The following SPOCK3 variants were observed in gnomAD, a reference collection of about 807,000 sequenced individuals.
SPOCK3 encodes SPARC (osteonectin), cwcv and kazal like domains proteoglycan 3.
In SPOCK3, 30 loss-of-function variants were observed where a neutral mutation model predicts 56.6. The observed-to-expected ratio is 0.53, with a 90% CI of 0.40 to 0.72. The LOEUF is 0.72. Among genes scored for constraint, SPOCK3 ranks in the 30% least tolerant of loss-of-function variants. The pLI is 0.00. For synonymous variants in SPOCK3, 196 were observed against 183.3 expected (o/e 1.07, Z -0.56); for missense variants, 527 against 530.0 (o/e 0.99, Z 0.06).
intron 2 of SPOCK3, among the ~76,000 whole-genome samples, chr4:167,206,989 G>C (rs1734406466): frequency 6.6e-6 from 1 of 152,024 alleles, no homozygotes; most frequent in Non-Finnish European, 1.5e-5. Flanking sequence ...AAATGTTTGA[G>C]ATGATGGATA....
chr4:166,994,328 T>C (rs1234845551), intron 4 of SPOCK3, among the ~76,000 whole-genome samples: 2 of 152,172 alleles, frequency 1.3e-5, no homozygotes, highest in African/African-American at 2.4e-5. Flanking sequence ...ATACCTACTT[T>C]ACAGCAGAAA....
intron 2 of SPOCK3, among the ~76,000 whole-genome samples, chr4:167,129,017 C>A (rs918422867): frequency 6.6e-6 from 1 of 152,250 alleles, no homozygotes; most frequent in Middle Eastern, 3.4e-3. Context: ...GCTCTATACC[C>A]TTGATTCAGG....
intron 4 of SPOCK3, among the ~76,000 whole-genome samples, chr4:166,967,898 G>A (rs981624690): frequency 5.3e-5 from 8 of 152,184 alleles, no homozygotes; most frequent in Non-Finnish European, 1.0e-4. Flanking sequence ...TGACCAAAAT[G>A]CTGATAGTGA....
intron 6 of SPOCK3, among the ~76,000 whole-genome samples, chr4:166,844,053 A>C (rs566625438): frequency 1.3e-5 from 2 of 152,202 alleles, no homozygotes; most frequent in Non-Finnish European, 2.9e-5. Context: ...CATAAACGCA[A>C]TGTGGGCCAA....
intron 6 of SPOCK3, among the ~76,000 whole-genome samples, chr4:166,885,266 T>G (rs1734077107): frequency 6.6e-6 from 1 of 150,516 alleles, no homozygotes; most frequent in African/African-American, 2.4e-5. Context: ...TTGCCTTATT[T>G]CTAAAATAAC....
chr4:166,808,914 C>T (rs1743470994), intron 6 of SPOCK3, among the ~76,000 whole-genome samples: 1 of 151,958 alleles, frequency 6.6e-6, no homozygotes, highest in African/African-American at 2.4e-5. Context: ...ATTTTCCTCC[C>T]ACTTGAAATC....
intron 2 of SPOCK3, among the ~76,000 whole-genome samples, chr4:167,205,744 C>A (rs1734262200): frequency 6.8e-6 from 1 of 146,342 alleles, no homozygotes; most frequent in African/African-American, 2.5e-5. Context: ...TCCGGAGTAG[C>A]TGGGATTACA....
chr4:166,797,475 A>T (rs961985860), intron 6 of SPOCK3, among the ~76,000 whole-genome samples: 3 of 151,996 alleles, frequency 2.0e-5, no homozygotes, highest in South Asian at 4.1e-4. Flanking sequence ...CTTTTAGTTT[A>T]TGATATCCTT....
At chr4:166,875,107 T>C (rs1227235564) in intron 6 of SPOCK3, among the ~76,000 whole-genome samples, 1 of 152,134 alleles carries the variant, frequency 6.6e-6, no homozygotes, top group Non-Finnish European at 1.5e-5. Flanking sequence ...TTACAATATG[T>C]AAATCACTAA....
chr4:167,056,937 A>G (rs10029828), intron 3 of SPOCK3, among the ~76,000 whole-genome samples: 10,656 of 152,072 alleles, frequency 0.07, 628 homozygotes, highest in African/African-American at 0.17. Flanking sequence ...TACAGAGAAC[A>G]CCACAAAGAT....
chr4:166,913,329 A>C (rs1306697622), intron 4 of SPOCK3, among the ~76,000 whole-genome samples: 1 of 152,196 alleles, frequency 6.6e-6, no homozygotes, highest in Non-Finnish European at 1.5e-5. Context: ...TAACTGGAAA[A>C]AAATCCATTC....
intron 8 of SPOCK3, among the ~76,000 whole-genome samples, chr4:166,744,928 G>A (rs1735377913): frequency 1.3e-5 from 2 of 151,932 alleles, no homozygotes; most frequent in South Asian, 2.1e-4. Flanking sequence ...GAGAAGACAA[G>A]TTTAGAGAAA....
intron 6 of SPOCK3, among the ~76,000 whole-genome samples, chr4:166,847,647 T>TATATA (rs1748203803): frequency 1.8e-4 from 10 of 55,368 alleles, no homozygotes; most frequent in African/African-American, 5.1e-4. Flanking sequence ...AAATCCTAGT[T>TATATA]TATATATATA....
intron 2 of SPOCK3, among the ~76,000 whole-genome samples, chr4:167,075,248 A>G (rs1487046034): frequency 6.6e-6 from 1 of 151,938 alleles, no homozygotes; most frequent in African/African-American, 2.4e-5. Flanking sequence ...TTGAAATGAA[A>G]AAAAGACATG....
intron 7 of SPOCK3, among the ~76,000 whole-genome samples, chr4:166,768,779 T>G (rs1365736267): frequency 2.0e-5 from 3 of 152,226 alleles, no homozygotes; most frequent in Non-Finnish European, 4.4e-5. Flanking sequence ...TCCTGCAGAG[T>G]GTTTTCCAAC....
intron 4 of SPOCK3, among the ~76,000 whole-genome samples, chr4:166,921,617 G>C (rs964401260): frequency 1.3e-5 from 2 of 152,050 alleles, no homozygotes; most frequent in African/African-American, 4.8e-5. Context: ...CACCCAGCCC[G>C]TGTTGACTCT....
chr4:167,196,662 G>A (rs1732984901), intron 2 of SPOCK3, among the ~76,000 whole-genome samples: 2 of 152,020 alleles, frequency 1.3e-5, no homozygotes, highest in African/African-American at 4.8e-5. Flanking sequence ...TTCTTTTCTA[G>A]AGTTCAGGGT....
At chr4:167,019,133 T>C (rs925927724) in intron 3 of SPOCK3, among the ~76,000 whole-genome samples, 34 of 152,080 alleles carry the variant, frequency 2.2e-4, no homozygotes, top group African/African-American at 8.2e-4. Flanking sequence ...ATTTCTCTTG[T>C]AAAACTCAGA....
At chr4:166,908,276 A>T (rs1468389805) in intron 5 of SPOCK3, among the ~76,000 whole-genome samples, 1 of 85,660 alleles carries the variant, frequency 1.2e-5, no homozygotes, top group Non-Finnish European at 2.8e-5. Flanking sequence ...TATTGTTCAC[A>T]CACACACACA....
Sources: gnomAD v4.1 joint callset for allele counts (sites outside exome capture counted in the v4.1 genomes callset) on GRCh38, gnomAD v4.1.1 for gene constraint, MANE v1.5 for transcripts, NCBI Gene and HGNC (gene_info 2026-07-23, HGNC 2026-07-21) for gene names.